The following CNOT4 variants were observed in gnomAD, a reference collection of about 807,000 sequenced individuals.
CNOT4 encodes CCR4-NOT transcription complex subunit 4.
Under a neutral mutation model 73.8 loss-of-function variants are expected in CNOT4, and 8 were observed. The ratio of observed to expected loss-of-function variants is 0.11; its 90% CI spans 0.06 to 0.20. The LOEUF (loss-of-function observed/expected upper bound fraction) is 0.20. CNOT4 is among the 10% of genes least tolerant of loss of function. CNOT4 has a pLI of 1.00. For missense variants in CNOT4, 564 were observed against 883.4 expected (o/e 0.64, Z 4.58); for synonymous variants, 293 against 321.1 (o/e 0.91, Z 0.94).
intron 8 of CNOT4, among the ~76,000 whole-genome samples, 194 bp from the exon 9 acceptor site, chr7:135,396,077 A>G (rs973160344): frequency 4.0e-5 from 6 of 149,812 alleles, no homozygotes; most frequent in Non-Finnish European, 7.4e-5. Context: ...AAAAAATATT[A>G]ATCTGCTTGA....
intron 2 of CNOT4, among the ~76,000 whole-genome samples, chr7:135,429,942 G>A (rs1798717983): frequency 6.6e-6 from 1 of 152,180 alleles, no homozygotes; most frequent in Non-Finnish European, 1.5e-5. Flanking sequence ...TGAGACAACT[G>A]AAATTTATGG....
At chr7:135,500,800 T>C (rs1014427450) in intron 1 of CNOT4, among the ~76,000 whole-genome samples, 1 of 152,202 alleles carries the variant, frequency 6.6e-6, no homozygotes, top group East Asian at 1.9e-4. Context: ...AGTCTCCTAA[T>C]AACCGTTCTG....
In CNOT4 at chr7:135,380,756, T is replaced by C. The variant is rs75875058; in HGVS notation, c.1627+13162A>G. Among the ~76,000 whole-genome samples the C allele has an allele frequency of 2.2e-3, 340 of 152,354 alleles. 12 individuals are homozygous for C. The East Asian group carries it at 0.054, about 24-fold the overall frequency. On this transcript the variant is annotated intron_variant, in intron 10 of 11. Coordinates refer to ENST00000541284, the MANE Select transcript of CNOT4 (RefSeq NM_001190850.2). The stretch of plus-strand genomic sequence containing the variant: ...TGGTGAGGGCTAAAGAAACTTCAAA[T>C]TGTTGTTAGAATGTGACTATAGACA...
At chr7:135,441,986 G>T (rs548864837) in intron 1 of CNOT4, among the ~76,000 whole-genome samples, 2 of 152,256 alleles carry the variant, frequency 1.3e-5, no homozygotes, top group South Asian at 4.1e-4. Flanking sequence ...AATGGTAAAA[G>T]GTAGGAGGAG....
intron 2 of CNOT4, among the ~76,000 whole-genome samples, chr7:135,432,775 T>C (rs759016850): frequency 1.3e-5 from 2 of 152,242 alleles, no homozygotes; most frequent in Non-Finnish European, 2.9e-5. Context: ...TGAAAATGTC[T>C]TTTAGTGTAC....
intron 1 of CNOT4, among the ~76,000 whole-genome samples, chr7:135,473,760 A>T (rs1801797588): frequency 6.6e-6 from 1 of 152,158 alleles, no homozygotes; most frequent in African/African-American, 2.4e-5. Context: ...GGAGAAAGAA[A>T]GCGAGGGAGA....
chr7:135,395,437 C>A (rs1055782692), intron 9 of CNOT4, among the ~76,000 whole-genome samples, 197 bp downstream of exon 9: 3 of 152,126 alleles, frequency 2.0e-5, no homozygotes, highest in African/African-American at 7.2e-5. Flanking sequence ...CTGGAGAAAT[C>A]TTTTAACACA....
chr7:135,412,621 C>T (rs1797647847), intron 6 of CNOT4, among the ~76,000 whole-genome samples: 2 of 151,860 alleles, frequency 1.3e-5, no homozygotes, highest in Admixed American at 1.3e-4. Context: ...TTAATCTGTA[C>T]TAGCTCCAAG....
rs150874020 is a variant in CNOT4 at position 135,426,519 on chromosome 7, C to T, written c.175-4166G>A. Among the ~76,000 whole-genome samples, 1,010 of 150,556 alleles carry T rather than the reference C, an allele frequency of 6.7e-3. 11 individuals carry two copies. The highest frequency in any genetic ancestry group is 0.023 in the African/African-American group (959 of 40,946). On this transcript the variant is annotated intron_variant, in intron 2 of 11. Transcript: ENST00000541284. ...TCAGAAGGCTGGAGCAGGAGAATGG[C>T]GTGAACCCAGGAGGCAGAACTTGCA...
chr7:135,403,128 A>G (rs1797091221), intron 7 of CNOT4, among the ~76,000 whole-genome samples: 1 of 152,246 alleles, frequency 6.6e-6, no homozygotes, highest in Non-Finnish European at 1.5e-5. Context: ...TAAAATTTAC[A>G]TAAGGATAAA....
In CNOT4 at chr7:135,363,333, A is replaced by G; in HGVS notation, c.1841-147T>C. ...CTTCCAAATAAGACCTTTTAAACCAATCCTCCCCCAACAACAAAGAACTTA... is the reference window on the plus strand; with the variant it reads ...CTTCCAAATAAGACCTTTTAAACCAGTCCTCCCCCAACAACAAAGAACTTA... On this transcript the variant is annotated intron_variant, in intron 11 of 11. Transcript: ENST00000541284. The surrounding 1 kb of genome is among the most constrained non-coding windows in gnomAD (Gnocchi z 4.3). 1.4e-6 allele frequency: 1 copy of G among 706,318 alleles called. No homozygotes were observed. The highest frequency in any genetic ancestry group is 2.3e-6 in the Non-Finnish European group (1 of 426,390). The allele number at this position is 706,318 out of a possible 1,614,324, so 43.8% of individuals were successfully genotyped here.
At chr7:135,401,169 C>T (rs756521378) in intron 7 of CNOT4, among the ~76,000 whole-genome samples, 1 of 152,210 alleles carries the variant, frequency 6.6e-6, no homozygotes. Context: ...GTCCTCACAA[C>T]TCCACTGGCA....
chr7:135,460,071 T>C (rs1278430904), intron 1 of CNOT4, among the ~76,000 whole-genome samples: 7 of 152,222 alleles, frequency 4.6e-5, no homozygotes, highest in Non-Finnish European at 8.8e-5. Flanking sequence ...TTTCATACAA[T>C]GGAAGAGAGA....
intron 2 of CNOT4, among the ~76,000 whole-genome samples, chr7:135,428,672 A>C (rs1449504068): frequency 6.6e-6 from 1 of 152,176 alleles, no homozygotes; most frequent in Non-Finnish European, 1.5e-5. Flanking sequence ...ATGAAGGAGA[A>C]AGAACATACA....
intron 1 of CNOT4, among the ~76,000 whole-genome samples, chr7:135,494,244 C>T (rs558915832): frequency 9.8e-4 from 149 of 151,830 alleles, no homozygotes; most frequent in Admixed American, 2.4e-3. Context: ...CCAAGGCGGG[C>T]AGATCACCTG....
Position 135,467,134 on chromosome 7 carries a change from A to G in CNOT4, c.-92-28711T>C, listed in dbSNP as rs138121786. Among the ~76,000 whole-genome samples the G allele has an allele frequency of 1.6e-4, 25 of 152,328 alleles. No homozygotes were observed. The East Asian group carries it at 3.7e-3, about 22-fold the overall frequency. ...CGAAAGATCCTATTAGGCATATACT[A>G]TGTATCAGACATAATACTAGGCATT... is the stretch of plus-strand genomic sequence containing the variant. On this transcript the variant is annotated intron_variant, in intron 1 of 11. Transcript: ENST00000541284.
At position 135,363,707 on chromosome 7, in the gene CNOT4, C is replaced by T; in HGVS notation, c.1840+147G>A. On this transcript the variant is annotated intron_variant, in intron 11 of 11. Coordinates refer to ENST00000541284, the MANE Select transcript of CNOT4 (RefSeq NM_001190850.2). This position sits in a 1 kb window ranked among gnomAD's most constrained non-coding sequence, Gnocchi z 4.3. ...AGGCCGACAGGTTAAATGAGACTTG[C>T]ATGACCCCTGAGAACGAAACAAGCC... is the stretch of plus-strand genomic sequence containing the variant. The T allele has an allele frequency of 1.6e-6, 1 of 630,928 alleles. No homozygotes were observed. The highest frequency in any genetic ancestry group is 2.7e-6 in the Non-Finnish European group (1 of 373,156). 39.1% of individuals were successfully genotyped at this position (630,928 alleles called of 1,614,324 possible). A position where few individuals can be genotyped will look rare whatever the true frequency, so the allele number is the denominator to read the frequency against.
At chr7:135,380,464 C>T (rs1378697031) in intron 10 of CNOT4, among the ~76,000 whole-genome samples, 1 of 152,138 alleles carries the variant, frequency 6.6e-6, no homozygotes, top group Non-Finnish European at 1.5e-5. Context: ...ATTTTTTCCC[C>T]TGCTAAAGTT....
At chr7:135,444,276 T>C (rs1383751211) in intron 1 of CNOT4, among the ~76,000 whole-genome samples, 1 of 152,178 alleles carries the variant, frequency 6.6e-6, no homozygotes, top group African/African-American at 2.4e-5. Context: ...TAGGTGTATA[T>C]TCAAAGAACT....
Sources: gnomAD v4.1 joint callset for allele counts (sites outside exome capture counted in the v4.1 genomes callset) on GRCh38, gnomAD v4.1.1 for gene constraint, Gnocchi (gnomAD v3.1) non-coding constraint, MANE v1.5 for transcripts, NCBI Gene and HGNC (gene_info 2026-07-23, HGNC 2026-07-21) for gene names.